The following EPS15L1 variants were observed in gnomAD, a reference collection of about 807,000 sequenced individuals.
The protein encoded by EPS15L1 is epidermal growth factor receptor substrate 15-like 1.
Under a neutral mutation model 117.1 loss-of-function variants are expected in EPS15L1, and 43 were observed. The observed-to-expected ratio is 0.37, with a 90% confidence interval of 0.29 to 0.47. The LOEUF (loss-of-function observed/expected upper bound fraction) is 0.47. Ranked by LOEUF, EPS15L1 falls within the 20% of genes least tolerant of loss-of-function variation. EPS15L1 has a pLI of 0.99. For synonymous variants in EPS15L1, 459 were observed against 470.5 expected (o/e 0.98, Z 0.32); for missense variants, 981 against 1,164.0 (o/e 0.84, Z 2.29).
chr19:16,368,158 A>G (rs2092165180), intron 22 of EPS15L1, among the ~76,000 whole-genome samples: 2 of 152,186 alleles, frequency 1.3e-5, no homozygotes, highest in Admixed American at 6.5e-5. Context: ...CACCTTCGCT[A>G]TTATCCTATA....
At chr19:16,432,866 G>T (rs12462102) in intron 7 of EPS15L1, among the ~76,000 whole-genome samples, 1 of 147,896 alleles carries the variant, frequency 6.8e-6, no homozygotes, top group Non-Finnish European at 1.5e-5. Flanking sequence ...GCCATGGCAC[G>T]ATCTCAGCTT....
At chr19:16,393,691 A>AAAT (rs1436381912) in intron 18 of EPS15L1, among the ~76,000 whole-genome samples, 10 of 150,722 alleles carry the variant, frequency 6.6e-5, no homozygotes, top group African/African-American at 1.7e-4. Flanking sequence ...ATAAATAAAT[A>AAAT]AAATAAATAA....
At chr19:16,434,521 G>A (rs1321787075) in intron 6 of EPS15L1, 31 bp from the exon 7 acceptor site, 1 of 1,605,714 alleles carries the variant, frequency 6.2e-7, no homozygotes, top group African/African-American at 1.3e-5. Flanking sequence ...CGAGTAAGTA[G>A]GAGAGCACAC....
intron 16 of EPS15L1, among the ~76,000 whole-genome samples, chr19:16,396,739 G>C (rs1318524754): frequency 6.6e-6 from 1 of 152,184 alleles, no homozygotes; most frequent in Admixed American, 6.5e-5. Context: ...CAAGAAAATT[G>C]TAACGAGCCA....
intron 8 of EPS15L1, among the ~76,000 whole-genome samples, chr19:16,426,991 G>A (rs1015082793): frequency 5.9e-5 from 9 of 152,208 alleles, no homozygotes; most frequent in Non-Finnish European, 1.2e-4. Context: ...GCACTGAAGT[G>A]TTTGTGGATG....
chr19:16,441,196 C>A (rs145285990), intron 3 of EPS15L1: 3 of 458,226 alleles, frequency 6.5e-6, no homozygotes, highest in Non-Finnish European at 1.2e-5. Context: ...AGTGGCCAAG[C>A]GCGGTGGTTC....
At chr19:16,387,189 C>T (rs957723386) in intron 19 of EPS15L1, among the ~76,000 whole-genome samples, 6 of 152,256 alleles carry the variant, frequency 3.9e-5, no homozygotes, top group Middle Eastern at 3.4e-3. Context: ...ATGAAAGTTC[C>T]GGAACTGAAA....
chr19:16,393,116 AATAATAAT>A (rs1389163328), intron 18 of EPS15L1, among the ~76,000 whole-genome samples: 6 of 82,328 alleles, frequency 7.3e-5, no homozygotes, highest in East Asian at 3.6e-4. Flanking sequence ...TAATAATAAT[AATAATAAT>A]AAACAACGCA....
At chr19:16,366,168 C>T (rs867286736) in intron 22 of EPS15L1, among the ~76,000 whole-genome samples, 6 of 152,172 alleles carry the variant, frequency 3.9e-5, no homozygotes, top group Admixed American at 6.5e-5. Context: ...CCCCCTGGGA[C>T]GGGCAGCAAG....
chr19:16,376,440 G>A (rs1041344841), intron 22 of EPS15L1, among the ~76,000 whole-genome samples: 45 of 152,156 alleles, frequency 3.0e-4, no homozygotes, highest in African/African-American at 1.0e-3. Flanking sequence ...GGGGACCCTC[G>A]AGGGCCAAGG....
chr19:16,400,304 T>C (rs2052592493), intron 16 of EPS15L1, among the ~76,000 whole-genome samples: 1 of 137,262 alleles, frequency 7.3e-6, no homozygotes, highest in Non-Finnish European at 1.5e-5. Flanking sequence ...GCCACTGCAC[T>C]CCAGTCTGGG....
intron 23 of EPS15L1, chr19:16,356,762 G>A (rs955264162): frequency 2.0e-5 from 3 of 152,132 alleles, no homozygotes; most frequent in African/African-American, 7.2e-5. Context: ...TGAGATAGGT[G>A]ATTTCAAACA....
At chr19:16,366,714 C>T (rs1042114478) in intron 22 of EPS15L1, among the ~76,000 whole-genome samples, 8 of 152,158 alleles carry the variant, frequency 5.3e-5, no homozygotes, top group East Asian at 1.9e-4. Context: ...GGACCTGACA[C>T]GTGTGAGGTC....
intron 4 of EPS15L1, 185 bp downstream of exon 4, chr19:16,440,677 A>G (rs981220528): frequency 4.1e-6 from 2 of 490,702 alleles, no homozygotes; most frequent in Admixed American, 3.0e-5. Flanking sequence ...ACTAGCCATG[A>G]AAGATGGCTC....
chr19:16,439,073 TG>T (rs150366931), intron 4 of EPS15L1, among the ~76,000 whole-genome samples: 11,602 of 150,238 alleles, frequency 0.077, 493 homozygotes, highest in Non-Finnish European at 0.11. Flanking sequence ...GTTTTTTTTC[TG>T]TTTTTTTTTT....
At chr19:16,449,547 C>T (rs1404332315) in intron 1 of EPS15L1, among the ~76,000 whole-genome samples, 1 of 152,044 alleles carries the variant, frequency 6.6e-6, no homozygotes, top group Non-Finnish European at 1.5e-5. Flanking sequence ...TTAAAAGGTA[C>T]GGTGACTCTG....
At position 16,389,652 on chromosome 19, in the gene EPS15L1, AT is replaced by A. The variant is rs779242871; in HGVS notation, c.2103+2651del. 1.4e-4 allele frequency among the ~76,000 whole-genome samples: 21 copies of A among 152,318 alleles called. No homozygotes were observed. The East Asian group carries it at 1.5e-3, about 11-fold the overall frequency. ...TCTTTCTTTACAATACCCACAATGG[AT>A]TAATACAAAAATTGTAACAGTCTTA... On this transcript the variant is annotated intron_variant, in intron 19 of 23. Transcript: ENST00000455140.
intron 22 of EPS15L1, among the ~76,000 whole-genome samples, chr19:16,372,315 CCAGCCA>C (rs2092236308): frequency 6.6e-6 from 1 of 152,200 alleles, no homozygotes; most frequent in Admixed American, 6.5e-5. Flanking sequence ...ACACTGCATG[CCAGCCA>C]CACCAAATGT....
chr19:16,449,266 A>G (rs1245835575), intron 1 of EPS15L1, among the ~76,000 whole-genome samples: 1 of 152,122 alleles, frequency 6.6e-6, no homozygotes, highest in African/African-American at 2.4e-5. Context: ...AAACAAACAA[A>G]CAAACAAACA....
Sources: allele counts gnomAD v4.1 joint callset (sites outside exome capture counted in the v4.1 genomes callset), GRCh38; gene constraint gnomAD v4.1.1; transcripts MANE v1.5; gene names NCBI Gene and HGNC (gene_info 2026-07-23, HGNC 2026-07-21).